Variants in AGBL1 observed in about 807,000 individuals in gnomAD.
AGBL1 encodes cytosolic carboxypeptidase 4.
A neutral mutation model predicts 118.9 loss-of-function variants in AGBL1; 130 were observed. The observed-to-expected ratio is 1.09, with a 90% CI of 0.95 to 1.26. The LOEUF is 1.26. Ranked by LOEUF, AGBL1 falls within the 50% of genes most tolerant of loss-of-function variation. The pLI is 0.00. For synonymous variants in AGBL1, 555 were observed against 478.9 expected, an observed-to-expected ratio of 1.16 and a Z score of -2.08; for missense variants, 1,584 against 1,298.1, an observed-to-expected ratio of 1.22 and a Z score of -3.38.
In AGBL1 at chr15:86,438,053, G is replaced by A. The variant is rs1005876566; in HGVS notation, c.2555+40507G>A. On this transcript the variant is annotated intron_variant, in intron 18 of 22. Transcript: ENST00000614907. ...CCAGAGTAGCTGGGATTACAGATGCGTGCCACCATGCCCAACTAATTTTTG... is the reference window on the plus strand; with the variant it reads ...CCAGAGTAGCTGGGATTACAGATGCATGCCACCATGCCCAACTAATTTTTG... 1.3e-4 allele frequency among the ~76,000 whole-genome samples: 20 copies of A among 152,032 alleles called. 1 individual carries two copies. In the East Asian group the frequency reaches 1.7e-3, roughly 13 times the overall value.
intron 21 of AGBL1, among the ~76,000 whole-genome samples, chr15:86,568,328 G>A (rs2083948012): frequency 6.6e-6 from 1 of 152,092 alleles, no homozygotes; most frequent in South Asian, 2.1e-4. Context: ...ATTTCTAAAG[G>A]TATTCTTAAA....
intron 22 of AGBL1, among the ~76,000 whole-genome samples, chr15:86,688,674 C>T (rs573444050): frequency 1.3e-5 from 2 of 152,078 alleles, no homozygotes; most frequent in African/African-American, 4.8e-5. Flanking sequence ...GTGAAATGTT[C>T]AAACAAACCT....
In AGBL1 at chr15:86,662,839, TG is replaced by T. The variant is rs538605166; in HGVS notation, c.2995-11433del. Among the ~76,000 whole-genome samples, 15 of 152,314 alleles carry T rather than the reference TG, an allele frequency of 9.8e-5. No individual in the cohort carries two copies. In the South Asian group the frequency reaches 3.1e-3, roughly 32 times the overall value. Reference sequence around the variant, plus strand: ...AACAAAAACTACTAGCCATTCCGCATGACCAGTGAAGATATGCCTAGTGGAC... The same window carrying T: ...AACAAAAACTACTAGCCATTCCGCATACCAGTGAAGATATGCCTAGTGGAC... On this transcript the variant is annotated intron_variant, in intron 21 of 22. Coordinates refer to ENST00000614907, the MANE Select transcript of AGBL1 (RefSeq NM_001386094.1).
intron 22 of AGBL1, among the ~76,000 whole-genome samples, chr15:86,685,589 T>C (rs1397631264): frequency 3.3e-5 from 5 of 152,134 alleles, no homozygotes; most frequent in African/African-American, 9.7e-5. Context: ...ACCATGTGCC[T>C]GGAAGTGTGA....
chr15:86,708,162 T>C (rs1385254711), intron 22 of AGBL1, among the ~76,000 whole-genome samples: 2 of 152,164 alleles, frequency 1.3e-5, no homozygotes, highest in African/African-American at 4.8e-5. Context: ...TCTCCAAATG[T>C]AGTTACATTA....
rs78147253 is a variant in AGBL1 at position 86,366,984 on chromosome 15, C to T, written c.2375-30382C>T. Among the ~76,000 whole-genome samples the T allele has an allele frequency of 5.1e-3, 781 of 152,208 alleles. 6 individuals are homozygous for T. The highest frequency in any genetic ancestry group is 0.018 in the African/African-American group (742 of 41,536). On this transcript the variant is annotated intron_variant, in intron 17 of 22. Coordinates refer to ENST00000614907, the MANE Select transcript of AGBL1 (RefSeq NM_001386094.1). ...TCATATTCAGTCTATCTTCTGGGGGCGGGCCGACTTGGGTCAGCTAAAACT... is the reference window on the plus strand; with the variant it reads ...TCATATTCAGTCTATCTTCTGGGGGTGGGCCGACTTGGGTCAGCTAAAACT...
intron 21 of AGBL1, among the ~76,000 whole-genome samples, chr15:86,574,863 C>G (rs1479410611): frequency 6.6e-6 from 1 of 151,430 alleles, no homozygotes; most frequent in African/African-American, 2.4e-5. Flanking sequence ...TAGATGTGAG[C>G]CACTGCACCT....
At chr15:86,597,132 TATCCATCCATCCATCCATCC>T (rs57387070) in intron 21 of AGBL1, among the ~76,000 whole-genome samples, 15 of 147,610 alleles carry the variant, frequency 1.0e-4, no homozygotes, top group African/African-American at 3.5e-4. Flanking sequence ...AATCTACCTA[TATCCATCCATCCATCCATCC>T]ATCCATCCAT....
Position 86,911,008 on chromosome 15 carries a change from C to T in AGBL1, c.*3714C>T, listed in dbSNP as rs2080342785. 1 of 152,254 alleles carries T rather than the reference C, an allele frequency of 6.6e-6. No homozygotes were observed. Among genetic ancestry groups the T allele is most frequent in the African/African-American group, 2.4e-5 (1 of 41,452 alleles). 9.4% of individuals were successfully genotyped at this position (152,254 alleles called of 1,614,324 possible). Reference sequence around the variant, plus strand: ...TCAAGCCAGGACTTTCTCTTGCTGGCCAGACCACTTCAGTGAATTGTTGGG... The same window carrying T: ...TCAAGCCAGGACTTTCTCTTGCTGGTCAGACCACTTCAGTGAATTGTTGGG... On this transcript the variant is annotated 3_prime_UTR_variant, in exon 23 of 23. Transcript: ENST00000614907.
At chr15:86,516,607 C>T (rs1421277266) in intron 18 of AGBL1, among the ~76,000 whole-genome samples, 3 of 152,092 alleles carry the variant, frequency 2.0e-5, no homozygotes, top group African/African-American at 7.2e-5. Context: ...TGAGACCAGC[C>T]TGGTCAACAT....
chr15:86,423,956 C>T (rs1162984151), intron 18 of AGBL1, among the ~76,000 whole-genome samples: 1 of 152,112 alleles, frequency 6.6e-6, no homozygotes, highest in Non-Finnish European at 1.5e-5. Flanking sequence ...GGACATACTG[C>T]CCAAAGTAAT....
At chr15:86,519,778 G>A (rs1164538621) in intron 18 of AGBL1, among the ~76,000 whole-genome samples, 2 of 152,076 alleles carry the variant, frequency 1.3e-5, no homozygotes, top group African/African-American at 4.8e-5. Flanking sequence ...CTCCAAAACA[G>A]ACAACAAACA....
chr15:86,725,574 G>A (rs1417990784), intron 22 of AGBL1, among the ~76,000 whole-genome samples: 16 of 152,316 alleles, frequency 1.1e-4, no homozygotes, highest in South Asian at 4.1e-4. Flanking sequence ...CTTTGTATGC[G>A]TGAATCTGCC....
At chr15:86,770,498 T>C (rs1298581891) in intron 22 of AGBL1, among the ~76,000 whole-genome samples, 1 of 151,966 alleles carries the variant, frequency 6.6e-6, no homozygotes, top group Non-Finnish European at 1.5e-5. Flanking sequence ...ATGTCAGTAG[T>C]GCTAAGATTT....
At chr15:86,459,681 C>T (rs183669337) in intron 18 of AGBL1, among the ~76,000 whole-genome samples, 1 of 152,188 alleles carries the variant, frequency 6.6e-6, no homozygotes, top group East Asian at 1.9e-4. Flanking sequence ...TTAATCCCTA[C>T]CACATCTCAA....
intron 15 of AGBL1, among the ~76,000 whole-genome samples, chr15:86,275,254 C>T (rs1034811124): frequency 2.0e-5 from 3 of 152,110 alleles, no homozygotes; most frequent in Non-Finnish European, 4.4e-5. Flanking sequence ...TTTATCTCCG[C>T]TCGTGAGAGG....
intron 21 of AGBL1, among the ~76,000 whole-genome samples, chr15:86,562,250 A>G (rs998330664): frequency 2.0e-5 from 3 of 152,112 alleles, no homozygotes; most frequent in Non-Finnish European, 4.4e-5. Flanking sequence ...TCCAGTTTTC[A>G]CCCATTCAGT....
chr15:86,729,503 C>T (rs533744160), intron 22 of AGBL1, among the ~76,000 whole-genome samples: 21 of 152,320 alleles, frequency 1.4e-4, no homozygotes, highest in Non-Finnish European at 2.6e-4. Context: ...TGTTTAGCTC[C>T]TGCTTATGAG....
intron 22 of AGBL1, among the ~76,000 whole-genome samples, chr15:86,825,721 G>A (rs1481691980): frequency 6.0e-5 from 9 of 150,272 alleles, no homozygotes; most frequent in Admixed American, 5.3e-4. Flanking sequence ...GCGAGAGAGG[G>A]AGGGAGGGAG....
Sources: allele counts gnomAD v4.1 joint callset (sites outside exome capture counted in the v4.1 genomes callset), GRCh38; gene constraint gnomAD v4.1.1; transcripts MANE v1.5; gene names NCBI Gene and HGNC (gene_info 2026-07-23, HGNC 2026-07-21).